NTRK2: variants seen among roughly 807,000 people sequenced by gnomAD.
NTRK2 encodes the protein neurotrophic receptor tyrosine kinase 2.
NTRK2 carries 13 observed loss-of-function variants against 94.5 expected under a neutral mutation model. The observed-to-expected ratio is 0.14, with a 90% confidence interval of 0.09 to 0.22. NTRK2 has a LOEUF of 0.22. Ranked by LOEUF, NTRK2 falls within the 10% of genes least tolerant of loss-of-function variation. The pLI is 1.00. For missense variants in NTRK2, 639 were observed against 1,071.2 expected (o/e 0.60, Z 5.63); for synonymous variants, 372 against 407.4 (o/e 0.91, Z 1.05).
chr9:84,976,619 G>A (rs1826895845), intron 17 of NTRK2, among the ~76,000 whole-genome samples: 1 of 152,116 alleles, frequency 6.6e-6, no homozygotes, highest in Admixed American at 6.5e-5. Flanking sequence ...TCTTGGTAGA[G>A]CCAACTAAAA....
chr9:84,798,568 A>T (rs1190715686), intron 12 of NTRK2, among the ~76,000 whole-genome samples: 1 of 152,104 alleles, frequency 6.6e-6, no homozygotes, highest in African/African-American at 2.4e-5. Flanking sequence ...TACCTTCCTT[A>T]TGTCCTAAGT....
At chr9:84,793,092 T>A (rs1275747762) in intron 12 of NTRK2, among the ~76,000 whole-genome samples, 2 of 152,048 alleles carry the variant, frequency 1.3e-5, no homozygotes, top group African/African-American at 4.8e-5. Flanking sequence ...AACTGGTGTG[T>A]ACGTGTGTGT....
intron 11 of NTRK2, among the ~76,000 whole-genome samples, chr9:84,747,510 C>G (rs2064195056): frequency 2.2e-5 from 3 of 134,834 alleles, no homozygotes; most frequent in Middle Eastern, 8.5e-3. Flanking sequence ...TGGAGTCTCA[C>G]TCTGTCACCC....
intron 12 of NTRK2, among the ~76,000 whole-genome samples, chr9:84,802,909 C>T (rs565930676): frequency 2.0e-5 from 3 of 152,300 alleles, no homozygotes; most frequent in African/African-American, 7.2e-5. Flanking sequence ...CTCTTGAAGA[C>T]TGATGAACAA....
intron 12 of NTRK2, among the ~76,000 whole-genome samples, chr9:84,824,932 A>G (rs1024616737): frequency 1.3e-5 from 2 of 152,132 alleles, no homozygotes; most frequent in Non-Finnish European, 2.9e-5. Flanking sequence ...CAGAAGCTAC[A>G]GCACCATCTG....
At chr9:84,906,496 G>A (rs1306398681) in intron 14 of NTRK2, among the ~76,000 whole-genome samples, 1 of 152,214 alleles carries the variant, frequency 6.6e-6, no homozygotes, top group Non-Finnish European at 1.5e-5. Flanking sequence ...AGGTCTGGTG[G>A]CGAAGGCCCC....
rs1564558791 is a variant in NTRK2, at chr9:85,021,282, C to T, written c.2362C>T (p.Leu788=). 6 of 1,614,090 alleles carry T rather than the reference C, an allele frequency of 3.7e-6. No homozygotes were observed. The highest frequency in any genetic ancestry group is 5.1e-6 in the Non-Finnish European group (6 of 1,180,004). ...AGAGTGTATCACTCAGGGCCGAGTC[C>T]TGCAGCGACCCCGCACGTGCCCCCA... ...VIECITQGRV[L]QRPRTCPQEV... is the part of the protein sequence containing the mutation. Residue 788 remains leucine, a synonymous_variant, in exon 19 of 19, where the codon CTG becomes TTG. Coordinates refer to ENST00000277120, the MANE Select transcript of NTRK2 (RefSeq NM_006180.6).
At chr9:84,818,565 T>G (rs1453711097) in intron 12 of NTRK2, among the ~76,000 whole-genome samples, 1 of 152,256 alleles carries the variant, frequency 6.6e-6, no homozygotes, top group African/African-American at 2.4e-5. Flanking sequence ...AAATTTCACC[T>G]TGTGAAAAAG....
chr9:84,990,429 C>T (rs1430117827), intron 17 of NTRK2, among the ~76,000 whole-genome samples: 1 of 152,104 alleles, frequency 6.6e-6, no homozygotes, highest in East Asian at 1.9e-4. Flanking sequence ...CAATTGCCTC[C>T]CATTTTGTGT....
chr9:84,739,010 G>C (rs1467365615), intron 9 of NTRK2, among the ~76,000 whole-genome samples: 2 of 152,108 alleles, frequency 1.3e-5, no homozygotes, highest in Admixed American at 6.6e-5. Context: ...CATAAGACTG[G>C]ATGGACACTG....
At chr9:84,861,142 C>T (rs947248614) in intron 13 of NTRK2, 55 bp downstream of exon 13, 12 of 1,355,106 alleles carry the variant, frequency 8.9e-6, no homozygotes, top group Middle Eastern at 1.8e-4. Context: ...TGTTTTTATT[C>T]GGATGAAAAT....
chr9:84,919,347 T>A (rs1190599206), intron 14 of NTRK2, among the ~76,000 whole-genome samples: 4 of 152,214 alleles, frequency 2.6e-5, no homozygotes, highest in African/African-American at 7.2e-5. Context: ...TATTAGTGTC[T>A]TATCTACAAA....
intron 12 of NTRK2, among the ~76,000 whole-genome samples, chr9:84,765,541 G>A (rs1418865263): frequency 6.6e-6 from 1 of 152,138 alleles, no homozygotes; most frequent in Non-Finnish European, 1.5e-5. Context: ...AGGGTTACCT[G>A]GTTTGTGGCC....
chr9:84,903,340 G>T (rs2076986580), intron 14 of NTRK2, among the ~76,000 whole-genome samples: 1 of 152,178 alleles, frequency 6.6e-6, no homozygotes, highest in African/African-American at 2.4e-5. Flanking sequence ...TTGATGTTAT[G>T]ACCATGAGGT....
At chr9:84,824,367 C>T (rs2073048536) in intron 12 of NTRK2, among the ~76,000 whole-genome samples, 1 of 152,194 alleles carries the variant, frequency 6.6e-6, no homozygotes, top group African/African-American at 2.4e-5. Flanking sequence ...GACTCTGTGG[C>T]CAGTGCTTGT....
chr9:84,996,539 C>T (rs913982464), intron 17 of NTRK2, among the ~76,000 whole-genome samples: 5 of 152,190 alleles, frequency 3.3e-5, no homozygotes, highest in Admixed American at 1.3e-4. Flanking sequence ...GACCCTTTGT[C>T]AGGGCCTTGG....
upstream of NTRK2, chr9:84,668,778 C>G (rs1320074438): frequency 1.3e-5 from 2 of 152,210 alleles, no homozygotes; most frequent in East Asian, 3.9e-4. Flanking sequence ...CACATGAACA[C>G]GCGCAAGGTA....
At position 85,026,711 on chromosome 9, in the gene NTRK2, T is replaced by TAC. The variant is rs528513290; in HGVS notation, c.*5282_*5283dup. On this transcript the variant is annotated 3_prime_UTR_variant, in exon 19 of 19. Coordinates refer to ENST00000277120, the MANE Select transcript of NTRK2 (RefSeq NM_006180.6). ...GATGTTTGTATATATCCAGGCCGTA[T>TAC]ACACACACATTTCCATATCTCTCTA... 16 of 233,074 alleles carry TAC rather than the reference T, an allele frequency of 6.9e-5. No homozygotes were observed. In the East Asian group the frequency reaches 9.7e-4, roughly 14 times the overall value. The allele number at this position is 233,074 out of a possible 1,614,324, so 14.4% of individuals were successfully genotyped here.
chr9:84,960,866 G>T (rs575591528), intron 17 of NTRK2, among the ~76,000 whole-genome samples: 28 of 152,276 alleles, frequency 1.8e-4, no homozygotes, highest in Middle Eastern at 3.4e-3. Flanking sequence ...CTGGCACAGG[G>T]CATGGCGCAT....
Sources: allele counts gnomAD v4.1 joint callset (sites outside exome capture counted in the v4.1 genomes callset), GRCh38; gene constraint gnomAD v4.1.1; transcripts MANE v1.5; gene names NCBI Gene and HGNC (gene_info 2026-07-23, HGNC 2026-07-21).